The following SLC25A23 variants were observed in gnomAD, a reference collection of about 807,000 sequenced individuals.
SLC25A23 encodes the protein mitochondrial adenyl nucleotide antiporter SLC25A23.
In SLC25A23, 32 loss-of-function variants were observed where a neutral mutation model predicts 53.9. That is an observed-to-expected ratio of 0.59 (90% confidence interval 0.45 to 0.80). The LOEUF (loss-of-function observed/expected upper bound fraction) is 0.80, where lower values mean the gene tolerates loss of function less well. SLC25A23 is among the 30% of genes least tolerant of loss of function. The probability of loss-of-function intolerance (pLI) is 0.00; values close to 1 mark genes in which losing one functional copy is unlikely to be tolerated. For synonymous variants in SLC25A23, 275 were observed against 264.5 expected, an observed-to-expected ratio of 1.04 and a Z score of -0.38; for missense variants, 575 against 651.4, an observed-to-expected ratio of 0.88 and a Z score of 1.28.
intron 4 of SLC25A23, chr19:6,456,071 C>A (rs1214363557): frequency 7.4e-7 from 1 of 1,351,644 alleles, no homozygotes; most frequent in Admixed American, 2.2e-5. Context: ...TTTATCCAGG[C>A]AGAGAACCCA....
In SLC25A23 at chr19:6,458,246, C is replaced by A; in HGVS notation, c.235G>T (p.Glu79Ter). 6.2e-7 allele frequency: 1 copy of A among 1,613,688 alleles called. No homozygotes were observed. Among genetic ancestry groups the A allele is most frequent in the South Asian group, 1.1e-5 (1 of 91,088 alleles). ...EEFSRYLQER[E>*]QRLLLMFHSL... is the part of the protein sequence containing the mutation. The stretch of plus-strand genomic sequence containing the variant: ...TGAAACATGAGCAGCAGACGCTGTT[C>A]CCGCTCCTGCAGATAGCGGGAAAAT... Residue 79 changes from glutamate (E) to a stop codon, truncating the protein, a stop_gained, in exon 2 of 10, where the codon GAA becomes TAA. Transcript: ENST00000301454. LOFTEE classifies it high-confidence loss of function.
intron 3 of SLC25A23, among the ~76,000 whole-genome samples, chr19:6,457,056 T>G (rs956487740): frequency 1.4e-5 from 2 of 140,716 alleles, no homozygotes; most frequent in Admixed American, 7.0e-5. Context: ...TCAATTTGAA[T>G]TTTTCTTTCT....
At chr19:6,444,647 G>T (rs1047899892) in intron 8 of SLC25A23, among the ~76,000 whole-genome samples, 2 of 152,036 alleles carry the variant, frequency 1.3e-5, no homozygotes, top group Non-Finnish European at 2.9e-5. Context: ...CCATCACAAG[G>T]GTCCTTCTTT....
At position 6,458,190 on chromosome 19, in the gene SLC25A23, G is replaced by C; in HGVS notation, c.283+8C>G. The C allele has an allele frequency of 4.3e-6, 7 of 1,612,868 alleles. No homozygotes were observed. Among genetic ancestry groups the C allele is most frequent in the Non-Finnish European group, 5.9e-6 (7 of 1,179,882 alleles). On this transcript the variant is annotated splice_region_variant and intron_variant, in intron 2 of 9. Transcript: ENST00000301454. ...CTTGGGGCCTGCAGGCAGGTCGCCC[G>C]ACCTTACCATCCTGGTTCCGGTCAA...
At chr19:6,448,048 C>G (rs528256687) in intron 8 of SLC25A23, among the ~76,000 whole-genome samples, 11 of 152,254 alleles carry the variant, frequency 7.2e-5, no homozygotes, top group African/African-American at 2.6e-4. Context: ...AAGGTGAGAA[C>G]CAACATTCAC....
chr19:6,447,672 T>C (rs1032754874), intron 8 of SLC25A23, among the ~76,000 whole-genome samples: 6 of 149,576 alleles, frequency 4.0e-5, no homozygotes, highest in African/African-American at 1.5e-4. Flanking sequence ...GCTTGGCTAA[T>C]TTTTTGCTTT....
intron 8 of SLC25A23, among the ~76,000 whole-genome samples, chr19:6,448,892 C>T (rs562848922): frequency 4.0e-5 from 6 of 151,682 alleles, no homozygotes; most frequent in Non-Finnish European, 7.4e-5. Context: ...GGCGTGGTGG[C>T]GCACACCTGT....
chr19:6,438,863 AAC>A (rs1261104549), downstream of SLC25A23: 1 of 182,092 alleles, frequency 5.5e-6, no homozygotes, highest in Non-Finnish European at 1.2e-5. Flanking sequence ...AAAAAACAAA[AAC>A]AAAAAACCAA....
chr19:6,437,787 C>T (rs1198432879), downstream of SLC25A23, among the ~76,000 whole-genome samples: 42 of 125,962 alleles, frequency 3.3e-4, no homozygotes, highest in African/African-American at 1.1e-3. Context: ...CCAGCCTAGG[C>T]GACAGAGCAA....
Position 6,455,707 on chromosome 19 carries a change from GT to G in SLC25A23, c.483+712del, listed in dbSNP as rs529957147. 2.2e-3 allele frequency among the ~76,000 whole-genome samples: 271 copies of G among 124,838 alleles called. 1 individual carries two copies. The highest frequency in any genetic ancestry group is 6.7e-3 in the African/African-American group (217 of 32,534). The allele number at this position is 124,838 out of a possible 152,430, so 81.9% of individuals were successfully genotyped here. ...TCCCATTGGATCCTCTGAAGACCGT[GT>G]TTTTTTTTTTTTTTTTTTTTTTTTT... is the stretch of plus-strand genomic sequence containing the variant. On this transcript the variant is annotated intron_variant, in intron 4 of 9. Transcript: ENST00000301454.
intron 8 of SLC25A23, among the ~76,000 whole-genome samples, chr19:6,449,857 CTTTTTTTTTTTTT>C (rs142681286): frequency 7.9e-6 from 1 of 127,142 alleles, no homozygotes; most frequent in Non-Finnish European, 1.5e-5. Flanking sequence ...ACTCACAACT[CTTTTTTTTTTTTT>C]TTTTTTTTTG....
Position 6,454,275 on chromosome 19 carries a change from C to A in SLC25A23, c.795+48G>T, listed in dbSNP as rs755271159. The A allele has an allele frequency of 6.7e-5, 107 of 1,587,304 alleles. No individual in the cohort carries two copies. In the Middle Eastern group the frequency reaches 1.3e-3, roughly 20 times the overall value. The stretch of plus-strand genomic sequence containing the variant: ...CAATCCCGTAAATCTTTATGTACAG[C>A]CCAGTCTTCCCTATGGCAAGCACAT... On this transcript the variant is annotated intron_variant, in intron 6 of 9. Coordinates refer to ENST00000301454, the MANE Select transcript of SLC25A23 (RefSeq NM_024103.3). This position sits in a 1 kb window ranked among gnomAD's most constrained non-coding sequence, Gnocchi z 4.3.
chr19:6,446,214 A>G (rs1403364565), intron 8 of SLC25A23, among the ~76,000 whole-genome samples: 7 of 152,124 alleles, frequency 4.6e-5, no homozygotes, highest in Non-Finnish European at 1.0e-4. Context: ...AAATACCAAA[A>G]TTAGCCGGTG....
Position 6,440,225 on chromosome 19 carries a change from C to T in SLC25A23, c.*1750G>A, listed in dbSNP as rs543045345. On this transcript the variant is annotated 3_prime_UTR_variant, in exon 10 of 10. Transcript: ENST00000301454. ...CCCTTTCCAAGTCCCTCCATGGGGT[C>T]TCCAGATGATCCTAAGCTCAGAATC... 2 of 152,502 alleles carry T rather than the reference C, an allele frequency of 1.3e-5. No individual in the cohort carries two copies. The highest frequency in any genetic ancestry group is 4.8e-5 in the African/African-American group (2 of 41,412). The allele number at this position is 152,502 out of a possible 1,614,324, so 9.4% of individuals were successfully genotyped here.
At chr19:6,445,902 C>T (rs2092496545) in intron 8 of SLC25A23, among the ~76,000 whole-genome samples, 1 of 140,710 alleles carries the variant, frequency 7.1e-6, no homozygotes, top group African/African-American at 3.2e-5. Flanking sequence ...AACAAACAAA[C>T]ACACAAACAA....
At chr19:6,443,648 C>G (rs1381647055) in intron 9 of SLC25A23, 1 of 698,774 alleles carries the variant, frequency 1.4e-6, no homozygotes, top group African/African-American at 1.8e-5. Flanking sequence ...GTCTTGTACA[C>G]TGACACATCT....
Position 6,454,780 on chromosome 19 carries a change from TA to T in SLC25A23, c.484-64del. 1 of 1,572,306 alleles carries T rather than the reference TA, an allele frequency of 6.4e-7. No homozygotes were observed. Among genetic ancestry groups the T allele is most frequent in the Non-Finnish European group, 8.7e-7 (1 of 1,153,702 alleles). On this transcript the variant is annotated intron_variant, in intron 4 of 9. Transcript: ENST00000301454. This position sits in a 1 kb window ranked among gnomAD's most constrained non-coding sequence, Gnocchi z 4.3. ...GGGACAGGGAGATGTGACTCAGTCC[TA>T]AATAGGGGAGTCTCCTCTATGAATC... is the stretch of plus-strand genomic sequence containing the variant.
chr19:6,448,822 A>G (rs1390021455), intron 8 of SLC25A23, among the ~76,000 whole-genome samples: 3 of 151,364 alleles, frequency 2.0e-5, no homozygotes, highest in Non-Finnish European at 4.4e-5. Context: ...TCAGGAGTTC[A>G]AGACCAGCCT....
downstream of SLC25A23, chr19:6,438,061 A>C (rs909284030): frequency 1.0e-3 from 150 of 150,268 alleles, no homozygotes; most frequent in African/African-American, 3.5e-3. Flanking sequence ...AAAAAAAAAA[A>C]CAAACTTGGA....
Sources: allele counts gnomAD v4.1 joint callset (sites outside exome capture counted in the v4.1 genomes callset), GRCh38; gene constraint gnomAD v4.1.1; non-coding constraint Gnocchi (gnomAD v3.1); transcripts MANE v1.5; gene names NCBI Gene and HGNC (gene_info 2026-07-23, HGNC 2026-07-21).